Variants in GRID2 observed in about 807,000 individuals in gnomAD.
The protein encoded by GRID2 is glutamate receptor ionotropic, delta-2.
GRID2 carries 33 observed loss-of-function variants against 114.8 expected under a neutral mutation model. That is an observed-to-expected ratio of 0.29 (90% confidence interval 0.22 to 0.38). The LOEUF (loss-of-function observed/expected upper bound fraction) is 0.38, where lower values mean the gene tolerates loss of function less well. Among genes scored for constraint, GRID2 ranks in the 10% least tolerant of loss-of-function variants. The pLI, the probability that GRID2 is intolerant of heterozygous loss-of-function variation, is 1.00. For synonymous variants in GRID2, 505 were observed against 449.9 expected (o/e 1.12, Z -1.55); for missense variants, 1,184 against 1,257.7 (o/e 0.94, Z 0.89).
At chr4:93,271,053 A>G (rs1343944501) in intron 8 of GRID2, among the ~76,000 whole-genome samples, 1 of 152,240 alleles carries the variant, frequency 6.6e-6, no homozygotes, top group Non-Finnish European at 1.5e-5. Flanking sequence ...GATTGAGGCT[A>G]CATTATATGA....
At chr4:92,705,243 G>T (rs189010075) in intron 2 of GRID2, among the ~76,000 whole-genome samples, 25 of 152,208 alleles carry the variant, frequency 1.6e-4, no homozygotes, top group Admixed American at 1.6e-3. Context: ...ATCTTGAAAA[G>T]AAGCAGCTAA....
intron 2 of GRID2, among the ~76,000 whole-genome samples, chr4:92,612,059 A>G (rs950751725): frequency 6.6e-6 from 1 of 151,498 alleles, no homozygotes; most frequent in South Asian, 2.1e-4. Flanking sequence ...ATATATTCCA[A>G]GGTCATTAAG....
At chr4:92,638,963 T>C (rs1731211432) in intron 2 of GRID2, among the ~76,000 whole-genome samples, 1 of 151,242 alleles carries the variant, frequency 6.6e-6, no homozygotes, top group Non-Finnish European at 1.5e-5. Flanking sequence ...TTGTTTAGTA[T>C]CCTTATGAGG....
chr4:93,505,852 A>G (rs921394413), intron 12 of GRID2, among the ~76,000 whole-genome samples: 7 of 152,108 alleles, frequency 4.6e-5, no homozygotes, highest in Non-Finnish European at 7.4e-5. Flanking sequence ...TTCAGGGTTC[A>G]TGATGTGACA....
At chr4:93,332,299 T>TGAGAGAGAGA (rs10596544) in intron 8 of GRID2, among the ~76,000 whole-genome samples, 10 of 121,040 alleles carry the variant, frequency 8.3e-5, no homozygotes, top group African/African-American at 3.0e-4. Flanking sequence ...TGTGTGTGTG[T>TGAGAGAGAGA]GAGAGAGAGA....
Position 92,578,041 on chromosome 4 carries a change from TTTCTTCTTCTTCTTCTTCTTC to T in GRID2, c.89-12036_89-12016del, listed in dbSNP as rs201059955. Among the ~76,000 whole-genome samples the T allele has an allele frequency of 2.7e-3, 337 of 125,824 alleles. 2 individuals are homozygous for T. The highest frequency in any genetic ancestry group is 4.6e-3 in the Admixed American group (56 of 12,164). The allele number at this position is 125,824 out of a possible 152,430, so 82.5% of individuals were successfully genotyped here. ...CTTACTAAAATTTTCTGAAACTTAG[TTTCTTCTTCTTCTTCTTCTTC>T]TTCTTCTTCTTCTTCTTCTTCTTCT... On this transcript the variant is annotated intron_variant, in intron 1 of 15. Transcript: ENST00000282020.
chr4:93,134,795 C>G (rs1735094825), intron 4 of GRID2, among the ~76,000 whole-genome samples: 1 of 152,014 alleles, frequency 6.6e-6, no homozygotes, highest in African/African-American at 2.4e-5. Flanking sequence ...GTAGAGGTCC[C>G]TTCACCAATT....
intron 11 of GRID2, among the ~76,000 whole-genome samples, chr4:93,487,596 G>C (rs1560672270): frequency 6.6e-6 from 1 of 151,736 alleles, no homozygotes; most frequent in Non-Finnish European, 1.5e-5. Flanking sequence ...CATTTGGCAA[G>C]CCCTGGACCC....
chr4:92,337,102 A>G (rs367757563), intron 1 of GRID2, among the ~76,000 whole-genome samples: 100 of 151,940 alleles, frequency 6.6e-4, no homozygotes, highest in African/African-American at 2.4e-3. Context: ...ACTGTATCTT[A>G]ACTTGTCAGA....
At chr4:93,065,420 A>G (rs778811341) in intron 2 of GRID2, among the ~76,000 whole-genome samples, 1 of 151,918 alleles carries the variant, frequency 6.6e-6, no homozygotes, top group Non-Finnish European at 1.5e-5. Context: ...TAATTATTTT[A>G]GCTGATTCCT....
chr4:92,388,979 C>T (rs2110256215), intron 1 of GRID2, among the ~76,000 whole-genome samples: 1 of 152,152 alleles, frequency 6.6e-6, no homozygotes, highest in Admixed American at 6.6e-5. Flanking sequence ...TTTCAACATA[C>T]ACTTTAAGTA....
intron 2 of GRID2, among the ~76,000 whole-genome samples, chr4:92,896,458 A>G (rs531605036): frequency 6.6e-6 from 1 of 152,160 alleles, no homozygotes; most frequent in Non-Finnish European, 1.5e-5. Flanking sequence ...CCTTATTCAA[A>G]TAATTTTCAC....
At chr4:92,433,891 TA>T (rs1732598092) in intron 1 of GRID2, among the ~76,000 whole-genome samples, 1 of 151,958 alleles carries the variant, frequency 6.6e-6, no homozygotes, top group South Asian at 2.1e-4. Context: ...TAATGAAAAT[TA>T]AAAGAGAGCA....
At chr4:93,686,950 G>A (rs1726130518) in intron 14 of GRID2, among the ~76,000 whole-genome samples, 1 of 151,974 alleles carries the variant, frequency 6.6e-6, no homozygotes, top group Admixed American at 6.6e-5. Flanking sequence ...GCACAGAAGA[G>A]ACATGATCTG....
chr4:92,321,689 G>A (rs181331836), intron 1 of GRID2, among the ~76,000 whole-genome samples: 2 of 152,178 alleles, frequency 1.3e-5, no homozygotes, highest in Non-Finnish European at 1.5e-5. Flanking sequence ...TGAATATCAA[G>A]GTAGATTAAA....
chr4:93,091,059 T>C (rs762961312), intron 3 of GRID2, among the ~76,000 whole-genome samples: 4 of 152,174 alleles, frequency 2.6e-5, no homozygotes, highest in Non-Finnish European at 2.9e-5. Context: ...AACTCAGCCA[T>C]GTTCATTTAT....
In GRID2 at chr4:93,367,304, A is replaced by C. The variant is rs78426748; in HGVS notation, c.1246-28303A>C. On this transcript the variant is annotated intron_variant, in intron 8 of 15. Coordinates refer to ENST00000282020, the MANE Select transcript of GRID2 (RefSeq NM_001510.4). Reference sequence around the variant, plus strand: ...TAAGTCTCAGACTGGTCACTCTTAAAATAATCCCACCCAGTCATGCCATCA... The same window carrying C: ...TAAGTCTCAGACTGGTCACTCTTAACATAATCCCACCCAGTCATGCCATCA... 3.0e-3 allele frequency among the ~76,000 whole-genome samples: 454 copies of C among 151,776 alleles called. 2 individuals carry two copies. The highest frequency in any genetic ancestry group is 0.011 in the African/African-American group (437 of 41,392).
intron 2 of GRID2, among the ~76,000 whole-genome samples, chr4:93,003,535 A>G (rs1721214054): frequency 6.6e-6 from 1 of 151,984 alleles, no homozygotes; most frequent in Non-Finnish European, 1.5e-5. Context: ...GGAATAATTT[A>G]CATACATTTG....
chr4:93,271,322 G>T (rs1751435987), intron 8 of GRID2, among the ~76,000 whole-genome samples: 1 of 152,130 alleles, frequency 6.6e-6, no homozygotes, highest in Non-Finnish European at 1.5e-5. Flanking sequence ...GGAGGTGGGG[G>T]AATGTCATGG....
Sources: allele counts gnomAD v4.1 joint callset (sites outside exome capture counted in the v4.1 genomes callset), GRCh38; gene constraint gnomAD v4.1.1; transcripts MANE v1.5; gene names NCBI Gene and HGNC (gene_info 2026-07-23, HGNC 2026-07-21).